Variants in ASIC2 observed in about 807,000 individuals in gnomAD.
ASIC2 encodes the protein acid sensing ion channel subunit 2, also known as acid-sensing ion channel 2.
In ASIC2, 25 loss-of-function variants were observed where a neutral mutation model predicts 57.3. The observed-to-expected ratio is 0.44, with a 90% CI of 0.32 to 0.61. ASIC2 has a LOEUF of 0.61. Ranked by LOEUF, ASIC2 falls within the 20% of genes least tolerant of loss-of-function variation. ASIC2 has a pLI of 0.06. For missense variants in ASIC2, 641 were observed against 738.1 expected, an observed-to-expected ratio of 0.87 and a Z score of 1.52; for synonymous variants, 319 against 307.5, an observed-to-expected ratio of 1.04 and a Z score of -0.39.
intron 1 of ASIC2, among the ~76,000 whole-genome samples, chr17:33,852,172 C>A (rs1273595858): frequency 6.6e-6 from 1 of 152,232 alleles, no homozygotes; most frequent in African/African-American, 2.4e-5. Context: ...TCAAGTAAGG[C>A]TGTTTTTTAT....
intron 1 of ASIC2, among the ~76,000 whole-genome samples, chr17:33,360,878 G>A (rs1403019148): frequency 6.6e-6 from 1 of 152,130 alleles, no homozygotes; most frequent in Non-Finnish European, 1.5e-5. Flanking sequence ...GAATTCCCTT[G>A]CTTTTAACCA....
intron 1 of ASIC2, among the ~76,000 whole-genome samples, chr17:33,902,400 T>C (rs1754361507): frequency 6.6e-6 from 1 of 152,164 alleles, no homozygotes; most frequent in African/African-American, 2.4e-5. Flanking sequence ...ATAGAGTACA[T>C]TTAAAAGTAC....
At chr17:33,119,818 G>A (rs771857643) in intron 1 of ASIC2, among the ~76,000 whole-genome samples, 3 of 152,188 alleles carry the variant, frequency 2.0e-5, no homozygotes, top group African/African-American at 7.2e-5. Context: ...GAATGTGACC[G>A]CAATGCAGCC....
chr17:33,305,195 A>T (rs759551939), intron 1 of ASIC2, among the ~76,000 whole-genome samples: 2 of 152,154 alleles, frequency 1.3e-5, no homozygotes, highest in African/African-American at 4.8e-5. Context: ...TTTTATTGGT[A>T]CCAAGGAAGA....
intron 1 of ASIC2, among the ~76,000 whole-genome samples, chr17:33,548,272 G>A (rs139841131): frequency 2.3e-3 from 354 of 152,266 alleles, no homozygotes; most frequent in African/African-American, 7.9e-3. Context: ...ATACTTCACA[G>A]GAAGACAACC....
chr17:33,321,098 A>G (rs1435921616), intron 1 of ASIC2, among the ~76,000 whole-genome samples: 1 of 152,216 alleles, frequency 6.6e-6, no homozygotes, highest in Non-Finnish European at 1.5e-5. Context: ...ACCTGGGAGC[A>G]GAATGGTTAT....
intron 3 of ASIC2, among the ~76,000 whole-genome samples, chr17:33,031,584 C>T (rs1044609855): frequency 3.3e-5 from 5 of 152,106 alleles, no homozygotes; most frequent in South Asian, 2.1e-4. Flanking sequence ...TAACTGTTGG[C>T]GTACTGTTTT....
At chr17:33,623,884 C>G (rs904036842) in intron 1 of ASIC2, among the ~76,000 whole-genome samples, 2 of 152,170 alleles carry the variant, frequency 1.3e-5, no homozygotes, top group African/African-American at 2.4e-5. Flanking sequence ...CTCCAGCCCC[C>G]CACCTTCCCA....
chr17:33,324,796 G>A (rs1175557513), intron 1 of ASIC2, among the ~76,000 whole-genome samples: 1 of 152,076 alleles, frequency 6.6e-6, no homozygotes, highest in African/African-American at 2.4e-5. Context: ...AAAAAACCAT[G>A]GGAAAGGAGA....
rs577700861 is a variant in ASIC2, at chr17:33,247,657, G to C, written c.708+43751C>G. Among the ~76,000 whole-genome samples the C allele has an allele frequency of 4.6e-5, 7 of 152,314 alleles. No individual in the cohort carries two copies. In the South Asian group the frequency reaches 1.5e-3, roughly 32 times the overall value. ...TCAGCCAGGAGGCCAGTAGAGAACT[G>C]ACCCAGCAGAAGGAGCTTCCTGGAG... is the stretch of plus-strand genomic sequence containing the variant. On this transcript the variant is annotated intron_variant, in intron 1 of 9. Coordinates refer to ENST00000225823, the MANE Select transcript of ASIC2 (RefSeq NM_183377.2).
chr17:33,781,572 G>A (rs180752478), intron 1 of ASIC2, among the ~76,000 whole-genome samples: 38 of 152,258 alleles, frequency 2.5e-4, no homozygotes, highest in African/African-American at 8.4e-4. Context: ...GGACATGATA[G>A]TCATGAAAAC....
At chr17:33,118,725 G>A (rs920368306) in intron 1 of ASIC2, among the ~76,000 whole-genome samples, 2 of 152,166 alleles carry the variant, frequency 1.3e-5, no homozygotes, top group Admixed American at 6.5e-5. Context: ...CCCAGGTCAC[G>A]CAGCTAATCT....
chr17:34,035,644 G>A (rs1476678585), intron 1 of ASIC2, among the ~76,000 whole-genome samples: 2 of 152,052 alleles, frequency 1.3e-5, no homozygotes, highest in Non-Finnish European at 2.9e-5. Context: ...CTGACAAAGG[G>A]CTAATATCTA....
At chr17:33,661,543 G>T (rs1424747536) in intron 1 of ASIC2, among the ~76,000 whole-genome samples, 1 of 152,170 alleles carries the variant, frequency 6.6e-6, no homozygotes, top group African/African-American at 2.4e-5. Flanking sequence ...CTGGACCTCG[G>T]TTTCCCTATC....
At chr17:33,728,713 C>A (rs1243929280) in intron 1 of ASIC2, among the ~76,000 whole-genome samples, 1 of 152,038 alleles carries the variant, frequency 6.6e-6, no homozygotes, top group Non-Finnish European at 1.5e-5. Flanking sequence ...TAAGTTATAG[C>A]TGTAGAGATG....
intron 1 of ASIC2, among the ~76,000 whole-genome samples, chr17:33,151,187 A>G (rs1420590347): frequency 1.3e-5 from 2 of 149,274 alleles, no homozygotes; most frequent in East Asian, 4.0e-4. Context: ...ACACGCACAC[A>G]CACACACACA....
At chr17:33,495,501 A>C (rs1261026985) in intron 1 of ASIC2, among the ~76,000 whole-genome samples, 1 of 151,770 alleles carries the variant, frequency 6.6e-6, no homozygotes. Context: ...AACCAAATCA[A>C]CTCCCTTCAC....
chr17:33,507,455 T>C (rs191526308), intron 1 of ASIC2, among the ~76,000 whole-genome samples: 69 of 152,334 alleles, frequency 4.5e-4, no homozygotes, highest in African/African-American at 1.6e-3. Context: ...AGGTTTATTC[T>C]ATTTGGAGTT....
chr17:33,686,530 C>T (rs766990911), intron 1 of ASIC2, among the ~76,000 whole-genome samples: 5 of 152,188 alleles, frequency 3.3e-5, no homozygotes, highest in Non-Finnish European at 5.9e-5. Context: ...CCTGAAACCC[C>T]CTCAGGCTGG....
Sources: gnomAD v4.1 joint callset for allele counts (sites outside exome capture counted in the v4.1 genomes callset) on GRCh38, gnomAD v4.1.1 for gene constraint, MANE v1.5 for transcripts, NCBI Gene and HGNC (gene_info 2026-07-23, HGNC 2026-07-21) for gene names.